Variants in SETBP1 observed in about 807,000 individuals in gnomAD.
SETBP1 encodes SET binding protein 1.
Under a neutral mutation model 101.0 loss-of-function variants are expected in SETBP1, and 9 were observed. That is an observed-to-expected ratio of 0.09 (90% CI 0.05 to 0.16). SETBP1 has a LOEUF of 0.16. Among genes scored for constraint, SETBP1 ranks in the 10% least tolerant of loss-of-function variants. SETBP1 has a pLI of 1.00. For synonymous variants in SETBP1, 818 were observed against 788.5 expected (o/e 1.04, Z -0.63); for missense variants, 1,858 against 2,033.8 (o/e 0.91, Z 1.66).
chr18:44,748,453 T>G (rs182015718), intron 2 of SETBP1, among the ~76,000 whole-genome samples: 4 of 152,324 alleles, frequency 2.6e-5, no homozygotes, highest in South Asian at 4.1e-4. Context: ...GAGCAGAACA[T>G]GATAGTTTTA....
At chr18:44,818,485 A>T (rs749880761) in intron 2 of SETBP1, among the ~76,000 whole-genome samples, 2 of 152,142 alleles carry the variant, frequency 1.3e-5, no homozygotes, top group Admixed American at 1.3e-4. Context: ...ACCAGTGACC[A>T]TGGTCAGTGG....
At chr18:45,039,374 C>T (rs1337855314) in intron 5 of SETBP1, among the ~76,000 whole-genome samples, 1 of 152,174 alleles carries the variant, frequency 6.6e-6, no homozygotes, top group Admixed American at 6.5e-5. Flanking sequence ...ATCCCTGCCT[C>T]CAGGAAGACA....
chr18:44,833,433 T>C (rs1458352410), intron 2 of SETBP1, among the ~76,000 whole-genome samples: 3 of 151,216 alleles, frequency 2.0e-5, no homozygotes, highest in African/African-American at 7.3e-5. Flanking sequence ...TCCCTGGGAG[T>C]GGGAGGTTGT....
intron 3 of SETBP1, among the ~76,000 whole-genome samples, chr18:44,930,001 C>G (rs999739860): frequency 6.6e-6 from 1 of 152,328 alleles, no homozygotes; most frequent in East Asian, 1.9e-4. Flanking sequence ...AGAGGGCATC[C>G]TTGTCTTGTG....
intron 2 of SETBP1, among the ~76,000 whole-genome samples, chr18:44,788,778 T>A (rs1364169231): frequency 6.7e-6 from 1 of 150,042 alleles, no homozygotes; most frequent in Non-Finnish European, 1.5e-5. Flanking sequence ...TGATTTTTTT[T>A]TTTCCTTTTT....
rs141004469 is a variant in SETBP1, at chr18:44,980,072, T to C, written c.4000+26732T>C. Among the ~76,000 whole-genome samples, 83 of 152,324 alleles carry C rather than the reference T, an allele frequency of 5.4e-4. 1 individual carries two copies. In the East Asian group the frequency reaches 0.015, roughly 27 times the overall value. Reference sequence around the variant, plus strand: ...ACGAGAAGTGATGCTTTGTTCTCTATTCTTGTTTCTGTGGAACCGGACAAT... The same window carrying C: ...ACGAGAAGTGATGCTTTGTTCTCTACTCTTGTTTCTGTGGAACCGGACAAT... On this transcript the variant is annotated intron_variant, in intron 4 of 5. Coordinates refer to ENST00000649279, the MANE Select transcript of SETBP1 (RefSeq NM_015559.3).
intron 2 of SETBP1, among the ~76,000 whole-genome samples, chr18:44,730,884 G>A (rs2069825137): frequency 6.6e-6 from 1 of 152,190 alleles, no homozygotes; most frequent in Non-Finnish European, 1.5e-5. Context: ...TAAAACTAGA[G>A]CCATTTTGTC....
chr18:44,802,383 C>T (rs2071625040), intron 2 of SETBP1, among the ~76,000 whole-genome samples: 1 of 152,154 alleles, frequency 6.6e-6, no homozygotes, highest in African/African-American at 2.4e-5. Flanking sequence ...TGTCAAGGCA[C>T]AGGATTGGGG....
rs866989390 is a variant in SETBP1 at position 44,937,798 on chromosome 18, C to G, written c.541-12083C>G. ...AGATTCCCCAGGTGACTCTTGTGCG[C>G]TCTGAATATGAGCAGTGCTGGGTTC... is the stretch of plus-strand genomic sequence containing the variant. On this transcript the variant is annotated intron_variant, in intron 3 of 5. Coordinates refer to ENST00000649279, the MANE Select transcript of SETBP1 (RefSeq NM_015559.3). Among the ~76,000 whole-genome samples the G allele has an allele frequency of 5.3e-5, 8 of 152,300 alleles. No homozygotes were observed. The East Asian group carries it at 5.8e-4, about 11-fold the overall frequency.
At chr18:44,892,172 G>C (rs2069787039) in intron 3 of SETBP1, among the ~76,000 whole-genome samples, 1 of 152,148 alleles carries the variant, frequency 6.6e-6, no homozygotes, top group Non-Finnish European at 1.5e-5. Flanking sequence ...CAAATTGTTT[G>C]TTTGCTATTA....
chr18:44,739,625 GA>G (rs1322373936), intron 2 of SETBP1, among the ~76,000 whole-genome samples: 3 of 152,202 alleles, frequency 2.0e-5, no homozygotes, highest in Admixed American at 6.5e-5. Context: ...AGTGATATCT[GA>G]ATTTGGATTC....
At chr18:45,026,723 A>G (rs367881285) in intron 4 of SETBP1, among the ~76,000 whole-genome samples, 1 of 152,118 alleles carries the variant, frequency 6.6e-6, no homozygotes, top group South Asian at 2.1e-4. Flanking sequence ...TTGTCTCTGC[A>G]CTTTTTAAAG....
At chr18:44,876,599 G>A (rs552755414) in intron 3 of SETBP1, 2 of 1,551,372 alleles carry the variant, frequency 1.3e-6, no homozygotes, top group East Asian at 2.4e-5. Context: ...GTCTGGAAGA[G>A]AAGAGGAGGC....
At chr18:44,769,060 G>T (rs1279010305) in intron 2 of SETBP1, among the ~76,000 whole-genome samples, 5 of 152,160 alleles carry the variant, frequency 3.3e-5, no homozygotes, top group Non-Finnish European at 7.3e-5. Context: ...CAAGATGAAG[G>T]GTCAGCTAAC....
chr18:44,928,837 G>A (rs1335455677), intron 3 of SETBP1, among the ~76,000 whole-genome samples: 6 of 152,160 alleles, frequency 3.9e-5, no homozygotes, highest in African/African-American at 1.4e-4. Flanking sequence ...TTAGCCCTTT[G>A]TCAGATGGGT....
chr18:44,858,147 A>G (rs1383302197), intron 2 of SETBP1, among the ~76,000 whole-genome samples: 2 of 152,244 alleles, frequency 1.3e-5, no homozygotes, highest in Non-Finnish European at 2.9e-5. Context: ...AGAAGAATCT[A>G]GTCCTGTTTT....
chr18:44,925,636 C>T (rs1303619472), intron 3 of SETBP1, among the ~76,000 whole-genome samples: 2 of 152,212 alleles, frequency 1.3e-5, no homozygotes, highest in Non-Finnish European at 2.9e-5. Context: ...TTATACTAAA[C>T]ATTATCCTAA....
At chr18:45,019,652 G>A (rs1301521607) in intron 4 of SETBP1, among the ~76,000 whole-genome samples, 1 of 151,952 alleles carries the variant, frequency 6.6e-6, no homozygotes, top group African/African-American at 2.4e-5. Context: ...CATAGTTGTG[G>A]CCTAATTGCA....
chr18:44,952,081 G>A lies in SETBP1; in HGVS notation c.2741G>A (p.Arg914Gln), dbSNP rs777653524. ...AIPSDTSTKNRHGHRQKHLIV... is the reference protein window; with the variant it reads ...AIPSDTSTKNQHGHRQKHLIV... ...CCGTCCGACACCAGCACAAAGAACC[G>A]GCATGGCCACCGGCAAAAGCATCTC... The change falls in exon 4 of 6, where the codon CGG (arginine) becomes CAG (glutamine). Residue 914 changes from arginine (R) to glutamine (Q), a missense_variant. Around this residue, in one of 12 missense-constraint regions of SETBP1, gnomAD observed 255 missense variants for 300.1 expected, o/e 0.85. Coordinates refer to ENST00000649279, the MANE Select transcript of SETBP1 (RefSeq NM_015559.3). The A allele has an allele frequency of 9.9e-6, 16 of 1,613,928 alleles. No individual in the cohort carries two copies. Among genetic ancestry groups the A allele is most frequent in the East Asian group, 4.5e-5 (2 of 44,866 alleles).
Sources: allele counts gnomAD v4.1 joint callset (sites outside exome capture counted in the v4.1 genomes callset), GRCh38; gene constraint gnomAD v4.1.1; regional missense constraint gnomAD v4.1.1; transcripts MANE v1.5; gene names NCBI Gene and HGNC (gene_info 2026-07-23, HGNC 2026-07-21).